Variants in ZFR observed in about 807,000 individuals in gnomAD.
ZFR encodes zinc finger RNA binding protein.
Under a neutral mutation model 130.7 loss-of-function variants are expected in ZFR, and 19 were observed. That is an observed-to-expected ratio of 0.15 (90% CI 0.10 to 0.21). The LOEUF (loss-of-function observed/expected upper bound fraction) is 0.21, where lower values mean the gene tolerates loss of function less well. ZFR is among the 10% of genes least tolerant of loss of function. The pLI is 1.00. For missense variants in ZFR, 872 were observed against 1,321.5 expected (o/e 0.66, Z 5.27); for synonymous variants, 466 against 456.9 (o/e 1.02, Z -0.25).
rs70961625 is a variant in ZFR, at chr5:32,369,485, T to TAAAACAAAACAAAAC, written c.2836-5225_2836-5211dup. Among the ~76,000 whole-genome samples, 1,316 of 150,836 alleles carry TAAAACAAAACAAAAC rather than the reference T, an allele frequency of 8.7e-3. 13 individuals are homozygous for TAAAACAAAACAAAAC. Among genetic ancestry groups the TAAAACAAAACAAAAC allele is most frequent in the Admixed American group, 0.012 (185 of 15,148 alleles). On this transcript the variant is annotated intron_variant, in intron 17 of 19. Coordinates refer to ENST00000265069, the MANE Select transcript of ZFR (RefSeq NM_016107.5). ...CCTTTACATTTGATATATCATTCTTTAAAACAAAACAAAACAAAACAAAAC... is the reference window on the plus strand; with the variant it reads ...CCTTTACATTTGATATATCATTCTTTAAAACAAAACAAAACAAAACAAAACAAAACAAAACAAAAC...
At chr5:32,438,253 A>AATT (rs1754385647) in intron 2 of ZFR, among the ~76,000 whole-genome samples, 1 of 61,046 alleles carries the variant, frequency 1.6e-5, no homozygotes, top group Non-Finnish European at 3.0e-5. Context: ...TTATCTGAAA[A>AATT]TTTTTTTTTT....
rs780073530 is a variant in ZFR at position 32,444,338 on chromosome 5, G to C, written c.38-10C>G. The stretch of plus-strand genomic sequence containing the variant: ...CCCAGCCGGCTGGGCACTGCGGCGG[G>C]CACGAAGAGTCGGGTCCCATGGCGG... On this transcript the variant is annotated splice_polypyrimidine_tract_variant and intron_variant, in intron 1 of 19. Transcript: ENST00000265069. 2 of 1,535,190 alleles carry C rather than the reference G, an allele frequency of 1.3e-6. No homozygotes were observed. Among genetic ancestry groups the C allele is most frequent in the South Asian group, 2.4e-5 (2 of 81,934 alleles).
intron 5 of ZFR, 53 bp downstream of exon 5, chr5:32,414,916 C>A: frequency 6.7e-7 from 1 of 1,490,378 alleles, no homozygotes; most frequent in Non-Finnish European, 9.2e-7. Flanking sequence ...ATAGTTTCTA[C>A]TAAGTCTCTT....
intron 19 of ZFR, among the ~76,000 whole-genome samples, chr5:32,360,762 T>C (rs10072210): frequency 0.17 from 26,166 of 152,048 alleles, 3,071 homozygotes; most frequent in African/African-American, 0.33. Context: ...CTGTTTCTCT[T>C]TTCCTTTTTT....
chr5:32,390,858 C>G (rs1390634009), intron 11 of ZFR, among the ~76,000 whole-genome samples: 1 of 152,212 alleles, frequency 6.6e-6, no homozygotes, highest in African/African-American at 2.4e-5. Context: ...AAAAACAGTG[C>G]AAGGCAGTGA....
intron 2 of ZFR, among the ~76,000 whole-genome samples, chr5:32,441,529 A>C (rs1754473759): frequency 6.6e-6 from 1 of 152,000 alleles, no homozygotes; most frequent in African/African-American, 2.4e-5. Context: ...AAAAAAAAAA[A>C]AACTGCATAT....
intron 15 of ZFR, among the ~76,000 whole-genome samples, chr5:32,384,232 T>C (rs1340138202): frequency 2.7e-5 from 4 of 147,326 alleles, no homozygotes; most frequent in African/African-American, 1.0e-4. Flanking sequence ...ATATGCTGTA[T>C]ATGACCTGAC....
intron 9 of ZFR, among the ~76,000 whole-genome samples, chr5:32,397,849 C>CTTTT (rs70961626): frequency 0.011 from 721 of 66,878 alleles, 192 homozygotes; most frequent in Middle Eastern, 0.016. Flanking sequence ...GCTCTTGTAT[C>CTTTT]TTTTTTTTTT....
intron 18 of ZFR, 40 bp downstream of exon 18, chr5:32,364,124 A>T (rs746655952): frequency 6.3e-7 from 1 of 1,595,378 alleles, no homozygotes; most frequent in East Asian, 2.2e-5. Context: ...GCAAATGAGT[A>T]AACTTCATTT....
chr5:32,428,155 A>G, intron 2 of ZFR, among the ~76,000 whole-genome samples: 1 of 151,978 alleles, frequency 6.6e-6, no homozygotes, highest in Non-Finnish European at 1.5e-5. Flanking sequence ...GAGTGCAGCG[A>G]CTCTGTGTGG....
intron 17 of ZFR, among the ~76,000 whole-genome samples, chr5:32,365,129 CATA>C (rs906731399): frequency 6.6e-6 from 1 of 152,158 alleles, no homozygotes; most frequent in African/African-American, 2.4e-5. Context: ...TCTCACTTAG[CATA>C]ATATTTAAGG....
chr5:32,398,945 C>A (rs1169345020), intron 9 of ZFR, among the ~76,000 whole-genome samples: 6 of 151,604 alleles, frequency 4.0e-5, no homozygotes, highest in African/African-American at 1.2e-4. Context: ...GATAATTTTT[C>A]TTGATAGGAA....
chr5:32,427,374 C>CAAAAAAAAAAAAAAAAAAAAAAAA (rs540663022), intron 2 of ZFR, among the ~76,000 whole-genome samples: 1 of 66,494 alleles, frequency 1.5e-5, no homozygotes, highest in African/African-American at 6.5e-5. Context: ...GACTCTGTCT[C>CAAAAAAAAAAAAAAAAAAAAAAAA]AAAAAAAAAA....
In ZFR at chr5:32,415,086, T is replaced by C. The variant is rs1226147756; in HGVS notation, c.667A>G (p.Thr223Ala). 1.2e-6 allele frequency: 2 copies of C among 1,613,982 alleles called. No individual in the cohort carries two copies. The highest frequency in any genetic ancestry group is 8.5e-7 in the Non-Finnish European group (1 of 1,180,032). The change falls in exon 5 of 20, where the codon ACT becomes GCT. Residue 223 changes from threonine to alanine, a missense_variant. Thr to Ala is a moderately conservative substitution (Grantham distance 58). Around this residue, in one of 7 missense-constraint regions of ZFR, gnomAD observed 240 missense variants for 441.2 expected, o/e 0.54. Coordinates refer to ENST00000265069, the MANE Select transcript of ZFR (RefSeq NM_016107.5). ...IKPATPSPAT[T>A]TFSIYPVSST... ...GATACAGGATAGATGGAGAAAGTAGTGGTAGCTGGACTTGGTGTGGCTGGT... is the reference window on the plus strand; with the variant it reads ...GATACAGGATAGATGGAGAAAGTAGCGGTAGCTGGACTTGGTGTGGCTGGT...
chr5:32,368,968 AAC>A (rs75605698), intron 17 of ZFR, among the ~76,000 whole-genome samples: 59,329 of 151,912 alleles, frequency 0.39, 11,820 homozygotes, highest in East Asian at 0.56. Flanking sequence ...ACACATGCAC[AAC>A]AGACTTTGAT....
chr5:32,387,752 G>T, intron 13 of ZFR, 53 bp from the exon 14 acceptor site: 1 of 1,528,352 alleles, frequency 6.5e-7, no homozygotes, highest in Non-Finnish European at 8.9e-7. Flanking sequence ...CCAGAAGCAT[G>T]ATATTCTGTA....
chr5:32,415,971 CT>C (rs150198483), intron 4 of ZFR, among the ~76,000 whole-genome samples: 41 of 85,792 alleles, frequency 4.8e-4, no homozygotes, highest in Non-Finnish European at 4.7e-4. Context: ...GAACTTTTAT[CT>C]TTTTTTTTTT....
intron 19 of ZFR, among the ~76,000 whole-genome samples, chr5:32,357,945 T>C (rs1157209818): frequency 6.6e-6 from 1 of 152,256 alleles, no homozygotes; most frequent in Non-Finnish European, 1.5e-5. Flanking sequence ...TCCAAAGGTT[T>C]ATCTGTCTAC....
chr5:32,384,539 T>C lies in ZFR; in HGVS notation c.2641+969A>G, dbSNP rs74572682. Among the ~76,000 whole-genome samples the C allele has an allele frequency of 3.7e-3, 560 of 152,330 alleles. 3 individuals are homozygous for C. Among genetic ancestry groups the C allele is most frequent in the Non-Finnish European group, 6.6e-3 (446 of 68,020 alleles). Reference sequence around the variant, plus strand: ...AGTAATTGAGAGACTACTGATGCTATTTTATACAAATGAATTTTAATATTA... The same window carrying C: ...AGTAATTGAGAGACTACTGATGCTACTTTATACAAATGAATTTTAATATTA... On this transcript the variant is annotated intron_variant, in intron 15 of 19. Coordinates refer to ENST00000265069, the MANE Select transcript of ZFR (RefSeq NM_016107.5).
Sources: gnomAD v4.1 joint callset for allele counts (sites outside exome capture counted in the v4.1 genomes callset) on GRCh38, gnomAD v4.1.1 for gene constraint, gnomAD v4.1.1 regional missense constraint, MANE v1.5 for transcripts, NCBI Gene and HGNC (gene_info 2026-07-23, HGNC 2026-07-21) for gene names.